Variants in SH2D3C observed in about 807,000 individuals in gnomAD.
SH2D3C encodes SH2 domain containing 3C.
A neutral mutation model predicts 75.2 loss-of-function variants in SH2D3C; 25 were observed. The ratio of observed to expected loss-of-function variants is 0.33; its 90% CI spans 0.24 to 0.46. The LOEUF (loss-of-function observed/expected upper bound fraction) is 0.46. Ranked by LOEUF, SH2D3C falls within the 20% of genes least tolerant of loss-of-function variation. The probability of loss-of-function intolerance (pLI) is 1.00; values close to 1 mark genes in which losing one functional copy is unlikely to be tolerated. For missense variants in SH2D3C, 933 were observed against 1,165.3 expected, an observed-to-expected ratio of 0.80 and a Z score of 2.90; for synonymous variants, 450 against 473.7, an observed-to-expected ratio of 0.95 and a Z score of 0.65.
At chr9:127,775,837 T>G (rs924974632) in intron 1 of SH2D3C, among the ~76,000 whole-genome samples, 1 of 151,770 alleles carries the variant, frequency 6.6e-6, no homozygotes, top group African/African-American at 2.4e-5. Context: ...TATTTATTAT[T>G]TTTTCTTTTG....
chr9:127,762,963 GC>G (rs1464660714), intron 2 of SH2D3C, among the ~76,000 whole-genome samples: 70 of 152,278 alleles, frequency 4.6e-4, no homozygotes, highest in Non-Finnish European at 8.8e-5. Context: ...AACCCACAAG[GC>G]CCTGTGTGGC....
chr9:127,742,044 G>A, intron 8 of SH2D3C, 85 bp from the exon 9 acceptor site: 5 of 1,350,318 alleles, frequency 3.7e-6, no homozygotes, highest in Non-Finnish European at 5.0e-6. Flanking sequence ...TGGTTGGGCC[G>A]GGAGAGGCGG....
intron 1 of SH2D3C, among the ~76,000 whole-genome samples, chr9:127,777,472 C>T: frequency 6.7e-6 from 1 of 150,312 alleles, no homozygotes; most frequent in East Asian, 2.0e-4. Flanking sequence ...CCCCTGCCGC[C>T]CCAGTAACTC....
chr9:127,766,414 G>A (rs1435209882), intron 2 of SH2D3C, among the ~76,000 whole-genome samples: 4 of 152,220 alleles, frequency 2.6e-5, no homozygotes, highest in African/African-American at 9.6e-5. Context: ...TTCCCAGAGG[G>A]TCTGTGAGGA....
chr9:127,772,328 C>T (rs922866303), intron 2 of SH2D3C, among the ~76,000 whole-genome samples: 10 of 148,966 alleles, frequency 6.7e-5, no homozygotes, highest in African/African-American at 2.2e-4. Context: ...ACTGCAACCT[C>T]TGCCTCCCAG....
chr9:127,751,251 T>C lies in SH2D3C; in HGVS notation c.605A>G (p.Lys202Arg). 11 of 1,613,548 alleles carry C rather than the reference T, an allele frequency of 6.8e-6. No homozygotes were observed. The highest frequency in any genetic ancestry group is 9.3e-6 in the Non-Finnish European group (11 of 1,179,408). ...ILDSSPEKLHKELEEELKLSS... is the reference protein window; with the variant it reads ...ILDSSPEKLHRELEEELKLSS... ...GAGTTTGAGCTCCTCCTCCAATTCC[T>C]TGTGGAGTTTCTCTGGCGATGAGTC... Residue 202 changes from lysine (K) to arginine (R), a missense_variant, in exon 4 of 12, where the codon AAG (lysine) becomes AGG (arginine). By Grantham distance (26) the Lys-to-Arg change is conservative. Coordinates refer to ENST00000314830, the MANE Select transcript of SH2D3C (RefSeq NM_170600.3). This position sits in a 1 kb window ranked among gnomAD's most constrained non-coding sequence, Gnocchi z 4.1.
At chr9:127,742,106 G>A (rs902459554) in intron 8 of SH2D3C, 147 bp from the exon 9 acceptor site, 38 of 725,298 alleles carry the variant, frequency 5.2e-5, no homozygotes, top group Non-Finnish European at 8.1e-5. Context: ...AAGGGGGCGC[G>A]GCCAGAGCGT....
Position 127,739,111 on chromosome 9 carries a change from CTAGACCA to C in SH2D3C, c.2408-197_2408-191del, listed in dbSNP as rs966839224. 2.6e-5 allele frequency among the ~76,000 whole-genome samples: 4 copies of C among 152,198 alleles called. No individual in the cohort carries two copies. Among genetic ancestry groups the C allele is most frequent in the Non-Finnish European group, 5.9e-5 (4 of 68,048 alleles). On this transcript the variant is annotated intron_variant, in intron 11 of 11. Coordinates refer to ENST00000314830, the MANE Select transcript of SH2D3C (RefSeq NM_170600.3). The surrounding 1 kb of genome is among the most constrained non-coding windows in gnomAD (Gnocchi z 4.3). ...TTTGCAGCATATAATTTAAAAATGA[CTAGACCA>C]TAAAATATTAATGTTAAATATGTTT...
rs1845780265 is a variant in SH2D3C at position 127,774,386 on chromosome 9, C to T, written c.119G>A (p.Ser40Asn). 6.2e-7 allele frequency: 1 copy of T among 1,613,622 alleles called. No homozygotes were observed. Among genetic ancestry groups the T allele is most frequent in the South Asian group, 1.1e-5 (1 of 91,080 alleles). Residue 40 changes from serine to asparagine, a missense_variant, in exon 2 of 12, where the codon AGT becomes AAT. Coordinates refer to ENST00000314830, the MANE Select transcript of SH2D3C (RefSeq NM_170600.3). This position sits in a 1 kb window ranked among gnomAD's most constrained non-coding sequence, Gnocchi z 4.3. ...GTCAGGCTCCAAATGGGACTGCCTACTGATGGAAGCTGAGGATCGTCTCAG... is the reference window on the plus strand; with the variant it reads ...GTCAGGCTCCAAATGGGACTGCCTATTGATGGAAGCTGAGGATCGTCTCAG... Reference protein sequence around the residue: ...FTLRRSSASISRQSHLEPDTF... With the variant: ...FTLRRSSASINRQSHLEPDTF...
At chr9:127,740,773 T>A (rs977483526) in intron 9 of SH2D3C, among the ~76,000 whole-genome samples, 1 of 152,032 alleles carries the variant, frequency 6.6e-6, no homozygotes, top group African/African-American at 2.4e-5. Context: ...CTCCGCCTCC[T>A]GGCTTCACGC....
At chr9:127,755,121 G>A (rs964132619) in intron 3 of SH2D3C, 2 of 1,219,694 alleles carry the variant, frequency 1.6e-6, no homozygotes, top group African/African-American at 1.6e-5. Context: ...AGCAGGCGGC[G>A]GCCGACAGGG....
In SH2D3C at chr9:127,778,552, C is replaced by T. The variant is rs572837132; in HGVS notation, c.37+39G>A. 45 of 1,514,126 alleles carry T rather than the reference C, an allele frequency of 3.0e-5. No individual in the cohort carries two copies. In the Admixed American group the frequency reaches 4.2e-4, roughly 14 times the overall value. 93.8% of individuals were successfully genotyped at this position (1,514,126 alleles called of 1,614,324 possible). On this transcript the variant is annotated intron_variant, in intron 1 of 11. Transcript: ENST00000314830. ...TGCAGAGAGAGGCCCAGAGGAGAGCCAGGGATGGAGGACAGTGCAGACGGC... is the reference window on the plus strand; with the variant it reads ...TGCAGAGAGAGGCCCAGAGGAGAGCTAGGGATGGAGGACAGTGCAGACGGC...
chr9:127,740,009 G>C, intron 10 of SH2D3C, 121 bp from the exon 11 acceptor site: 1 of 984,780 alleles, frequency 1.0e-6, no homozygotes, highest in Non-Finnish European at 1.5e-6. Flanking sequence ...AGAGCCCCAA[G>C]GGCTCCTGAC....
In SH2D3C at chr9:127,738,838, T is replaced by C. The variant is rs769736734; in HGVS notation, c.2491A>G (p.Ser831Gly). ...TTCTCATAGCGCCGGGCCTGGCTGCTGCTGGCACCCTGACTGCCCCAGAGA... is the reference window on the plus strand; with the variant it reads ...TTCTCATAGCGCCGGGCCTGGCTGCCGCTGGCACCCTGACTGCCCCAGAGA... ...RLLWGSQGAS[S>G]SQARRYEKFD... Residue 831 changes from serine to glycine, a missense_variant, in exon 12 of 12, where the codon AGC becomes GGC. Transcript: ENST00000314830. The surrounding 1 kb of genome is among the most constrained non-coding windows in gnomAD (Gnocchi z 5.0). 1 of 1,604,222 alleles carries C rather than the reference T, an allele frequency of 6.2e-7. No individual in the cohort carries two copies. Among genetic ancestry groups the C allele is most frequent in the Admixed American group, 1.7e-5 (1 of 58,304 alleles).
intron 1 of SH2D3C, among the ~76,000 whole-genome samples, chr9:127,776,833 C>T (rs112285667): frequency 6.6e-5 from 10 of 152,306 alleles, no homozygotes; most frequent in East Asian, 1.9e-4. Context: ...CCAGCCCTGC[C>T]GGCCCTATTT....
In SH2D3C at chr9:127,766,902, C is replaced by G. The variant is rs752020343; in HGVS notation, c.516-5252G>C. ...TCCTTCACGCCCATCTTCACTCACC[C>G]ACCGCAGAGAAGCAACGGGCACCTG... On this transcript the variant is annotated intron_variant, in intron 2 of 11. Transcript: ENST00000314830. 11 of 1,524,480 alleles carry G rather than the reference C, an allele frequency of 7.2e-6. No homozygotes were observed. The South Asian group carries it at 1.3e-4, about 18-fold the overall frequency. 94.4% of individuals were successfully genotyped at this position (1,524,480 alleles called of 1,614,324 possible). A position where few individuals can be genotyped will look rare whatever the true frequency, so the allele number is the denominator to read the frequency against.
chr9:127,740,069 G>C (rs906026418), intron 10 of SH2D3C, among the ~76,000 whole-genome samples, 181 bp from the exon 11 acceptor site: 2 of 152,178 alleles, frequency 1.3e-5, no homozygotes, highest in Non-Finnish European at 2.9e-5. Flanking sequence ...ACCCACTGCA[G>C]CCCTGGCCCA....
Position 127,751,420 on chromosome 9 carries a change from C to G in SH2D3C, c.556-120G>C. 1.0e-6 allele frequency: 1 copy of G among 956,828 alleles called. No homozygotes were observed. Among genetic ancestry groups the G allele is most frequent in the Non-Finnish European group, 1.6e-6 (1 of 617,096 alleles). The allele number at this position is 956,828 out of a possible 1,614,324, so 59.3% of individuals were successfully genotyped here. ...CTGGGACTCTGGGAACACTAAGGCACAGGTGCCAGACCCTTTCCCATGGGT... is the reference window on the plus strand; with the variant it reads ...CTGGGACTCTGGGAACACTAAGGCAGAGGTGCCAGACCCTTTCCCATGGGT... On this transcript the variant is annotated intron_variant, in intron 3 of 11. Transcript: ENST00000314830. This position sits in a 1 kb window ranked among gnomAD's most constrained non-coding sequence, Gnocchi z 4.1.
intron 3 of SH2D3C, among the ~76,000 whole-genome samples, chr9:127,757,643 A>AT (rs1845426796): frequency 7.8e-6 from 1 of 127,874 alleles, no homozygotes; most frequent in African/African-American, 2.8e-5. Context: ...GATGATGATG[A>AT]TGATTATTAT....
Sources: allele counts gnomAD v4.1 joint callset (sites outside exome capture counted in the v4.1 genomes callset), GRCh38; gene constraint gnomAD v4.1.1; non-coding constraint Gnocchi (gnomAD v3.1); transcripts MANE v1.5; gene names NCBI Gene and HGNC (gene_info 2026-07-23, HGNC 2026-07-21).